Variants in PTPRN2 observed in about 807,000 individuals in gnomAD.
PTPRN2 encodes the protein protein tyrosine phosphatase receptor type N2.
In PTPRN2, 74 loss-of-function variants were observed where a neutral mutation model predicts 118.8. That is an observed-to-expected ratio of 0.62 (90% CI 0.52 to 0.76). The LOEUF (loss-of-function observed/expected upper bound fraction) is 0.76, where lower values mean the gene tolerates loss of function less well. PTPRN2 is among the 30% of genes least tolerant of loss of function. The pLI, the probability that PTPRN2 is intolerant of heterozygous loss-of-function variation, is 0.00. For missense variants in PTPRN2, 1,481 were observed against 1,394.4 expected (o/e 1.06, Z -0.99); for synonymous variants, 641 against 608.0 (o/e 1.05, Z -0.80).
At chr7:157,842,595 A>C (rs1808512794) in intron 12 of PTPRN2, among the ~76,000 whole-genome samples, 1 of 151,872 alleles carries the variant, frequency 6.6e-6, no homozygotes, top group African/African-American at 2.4e-5. Flanking sequence ...TTGTATTTTT[A>C]GTAGAGATGG....
chr7:157,936,383 C>T (rs1271521228), intron 11 of PTPRN2, among the ~76,000 whole-genome samples: 1 of 152,156 alleles, frequency 6.6e-6, no homozygotes, highest in East Asian at 1.9e-4. Context: ...GCTCATTCCT[C>T]CCCTCTGCCT....
At chr7:158,489,652 G>A in intron 2 of PTPRN2, 83 bp downstream of exon 2, 4 of 1,402,762 alleles carry the variant, frequency 2.9e-6, no homozygotes, top group East Asian at 2.8e-5. Flanking sequence ...CAGGCCAGCG[G>A]CGGGGCTCAC....
At position 157,810,978 on chromosome 7, in the gene PTPRN2, G is replaced by A. The variant is rs1045366067; in HGVS notation, c.1788+87695C>T. 2.6e-5 allele frequency among the ~76,000 whole-genome samples: 4 copies of A among 152,066 alleles called. 1 individual carries two copies. Among genetic ancestry groups the A allele is most frequent in the African/African-American group, 9.7e-5 (4 of 41,394 alleles). ...GTTTCATCTGTTATCTTAAAAACTCGTGGATTTTTGGGGCGGGGCGCTGTG... is the reference window on the plus strand; with the variant it reads ...GTTTCATCTGTTATCTTAAAAACTCATGGATTTTTGGGGCGGGGCGCTGTG... On this transcript the variant is annotated intron_variant, in intron 12 of 22. Coordinates refer to ENST00000389418, the MANE Select transcript of PTPRN2 (RefSeq NM_002847.5).
At chr7:157,829,609 C>G (rs969712751) in intron 12 of PTPRN2, among the ~76,000 whole-genome samples, 1 of 152,244 alleles carries the variant, frequency 6.6e-6, no homozygotes, top group Admixed American at 6.5e-5. Context: ...GGTGAAGACT[C>G]CTTACAAAGG....
chr7:158,134,641 G>C (rs1169800914), intron 8 of PTPRN2, among the ~76,000 whole-genome samples: 1 of 152,092 alleles, frequency 6.6e-6, no homozygotes, highest in Non-Finnish European at 1.5e-5. Context: ...CACATCACAG[G>C]GATGTGTAAT....
chr7:158,027,887 A>C (rs751421), intron 11 of PTPRN2: 20,517 of 152,196 alleles, frequency 0.13, 1,429 homozygotes, highest in Admixed American at 0.16. Flanking sequence ...CTCCCCCAAA[A>C]CTGGGAGAAG....
In PTPRN2 at chr7:157,836,883, C is replaced by T. The variant is rs111686612; in HGVS notation, c.1788+61790G>A. Among the ~76,000 whole-genome samples the T allele has an allele frequency of 1.7e-3, 254 of 152,084 alleles. 1 individual carries two copies. The highest frequency in any genetic ancestry group is 5.9e-3 in the African/African-American group (243 of 41,466). On this transcript the variant is annotated intron_variant, in intron 12 of 22. Transcript: ENST00000389418. Reference sequence around the variant, plus strand: ...CCATCCATCCATCCCCCGACCAAACCACCCACTTACTCATCCATCTACCCA... The same window carrying T: ...CCATCCATCCATCCCCCGACCAAACTACCCACTTACTCATCCATCTACCCA...
At chr7:157,728,705 A>T (rs1247290322) in intron 12 of PTPRN2, among the ~76,000 whole-genome samples, 1 of 152,196 alleles carries the variant, frequency 6.6e-6, no homozygotes, top group Non-Finnish European at 1.5e-5. Context: ...CTATTATCAA[A>T]AGGTAAAATG....
chr7:158,100,241 TGG>T (rs984242589), intron 10 of PTPRN2, among the ~76,000 whole-genome samples: 7 of 117,574 alleles, frequency 6.0e-5, no homozygotes, highest in East Asian at 2.8e-4. Flanking sequence ...TAGTATTCCA[TGG>T]GGTGTGTGTG....
rs117454110 is a variant in PTPRN2, at chr7:157,757,053, C to T, written c.1789-74116G>A. On this transcript the variant is annotated intron_variant, in intron 12 of 22. Transcript: ENST00000389418. ...GGTGGACCCCTGCCAGAAAAGCAAA[C>T]GGGCAGTGGATGGACTATGGTATGC... 1.8e-3 allele frequency among the ~76,000 whole-genome samples: 268 copies of T among 152,280 alleles called. 1 individual carries two copies. Among genetic ancestry groups the T allele is most frequent in the Non-Finnish European group, 3.1e-3 (213 of 68,012 alleles).
chr7:157,960,735 G>T (rs1801469692), intron 11 of PTPRN2, among the ~76,000 whole-genome samples: 1 of 152,260 alleles, frequency 6.6e-6, no homozygotes, highest in South Asian at 2.1e-4. Flanking sequence ...GGTCAGGCAT[G>T]GTGGCTTACG....
In PTPRN2 at chr7:158,149,625, G is replaced by C. The variant is rs185685880; in HGVS notation, c.911-11110C>G. 2.9e-3 allele frequency among the ~76,000 whole-genome samples: 435 copies of C among 152,098 alleles called. 1 individual carries two copies. The highest frequency in any genetic ancestry group is 0.01 in the African/African-American group (416 of 41,508). On this transcript the variant is annotated intron_variant, in intron 6 of 22. Transcript: ENST00000389418. ...CGAGACCAGCCTGGCCAACATGGTGGAAACCCCATCTCTACTAAAAATACA... is the reference window on the plus strand; with the variant it reads ...CGAGACCAGCCTGGCCAACATGGTGCAAACCCCATCTCTACTAAAAATACA...
At chr7:158,039,975 T>C (rs1808335158) in intron 11 of PTPRN2, among the ~76,000 whole-genome samples, 1 of 152,068 alleles carries the variant, frequency 6.6e-6, no homozygotes, top group Admixed American at 6.6e-5. Flanking sequence ...AGGAATGCCT[T>C]TGATGGGCTC....
At position 158,224,853 on chromosome 7, in the gene PTPRN2, T is replaced by C. The variant is rs537869080; in HGVS notation, c.278-19580A>G. ...TGACAAAGGACTAGTATCAGGAATA[T>C]ACACAGAACTCTCAAAACTAAACAT... is the stretch of plus-strand genomic sequence containing the variant. On this transcript the variant is annotated intron_variant, in intron 3 of 22. Transcript: ENST00000389418. Among the ~76,000 whole-genome samples, 6 of 152,286 alleles carry C rather than the reference T, an allele frequency of 3.9e-5. No individual in the cohort carries two copies. In the South Asian group the frequency reaches 1.2e-3, roughly 32 times the overall value.
At chr7:157,648,776 A>T (rs1258542031) in intron 14 of PTPRN2, among the ~76,000 whole-genome samples, 3 of 132,990 alleles carry the variant, frequency 2.3e-5, no homozygotes, top group South Asian at 2.6e-4. Flanking sequence ...GGTCGGACCC[A>T]TTCACTGTGC....
intron 3 of PTPRN2, among the ~76,000 whole-genome samples, chr7:158,281,838 T>C (rs1799449618): frequency 6.6e-6 from 1 of 152,266 alleles, no homozygotes; most frequent in Admixed American, 6.5e-5. Context: ...TAAACCCTGC[T>C]AGTTCTTTTG....
At chr7:158,263,186 T>G (rs1348497701) in intron 3 of PTPRN2, among the ~76,000 whole-genome samples, 2 of 151,550 alleles carry the variant, frequency 1.3e-5, no homozygotes, top group East Asian at 3.9e-4. Context: ...TGCACACACA[T>G]TCACACACAC....
rs1463118650 is a variant in PTPRN2, at chr7:157,877,312, G to A, written c.1788+21361C>T. Among the ~76,000 whole-genome samples, 8 of 146,808 alleles carry A rather than the reference G, an allele frequency of 5.4e-5. No homozygotes were observed. The East Asian group carries it at 1.4e-3, about 26-fold the overall frequency. On this transcript the variant is annotated intron_variant, in intron 12 of 22. Transcript: ENST00000389418. ...GCACCAGGGTTTCCTTGGGGACCCC[G>A]GGTCCGAGTGCAGCACCAGGGTTTT...
Position 157,784,116 on chromosome 7 carries a change from C to T in PTPRN2, c.1789-101179G>A, listed in dbSNP as rs555286708. ...GCTGGGATGGGTGTGTTTAGTTCTGCTTCCAGGGACTATTCCTAAATTCTG... is the reference window on the plus strand; with the variant it reads ...GCTGGGATGGGTGTGTTTAGTTCTGTTTCCAGGGACTATTCCTAAATTCTG... On this transcript the variant is annotated intron_variant, in intron 12 of 22. Coordinates refer to ENST00000389418, the MANE Select transcript of PTPRN2 (RefSeq NM_002847.5). The surrounding 1 kb of genome is among the most constrained non-coding windows in gnomAD (Gnocchi z 4.6). Among the ~76,000 whole-genome samples the T allele has an allele frequency of 6.6e-6, 1 of 152,260 alleles. No homozygotes were observed. The highest frequency in any genetic ancestry group is 2.1e-4 in the South Asian group (1 of 4,826).
Sources: gnomAD v4.1 joint callset for allele counts (sites outside exome capture counted in the v4.1 genomes callset) on GRCh38, gnomAD v4.1.1 for gene constraint, Gnocchi (gnomAD v3.1) non-coding constraint, MANE v1.5 for transcripts, NCBI Gene and HGNC (gene_info 2026-07-23, HGNC 2026-07-21) for gene names.